Variants in ZNF207 observed in about 807,000 individuals in gnomAD.
ZNF207 encodes the protein zinc finger protein 207.
A neutral mutation model predicts 60.2 loss-of-function variants in ZNF207; 24 were observed. The ratio of observed to expected loss-of-function variants is 0.40; its 90% CI spans 0.29 to 0.56. ZNF207 has a LOEUF of 0.56. Ranked by LOEUF, ZNF207 falls within the 20% of genes least tolerant of loss-of-function variation. The pLI is 0.49. For synonymous variants in ZNF207, 236 were observed against 194.7 expected, an observed-to-expected ratio of 1.21 and a Z score of -1.77; for missense variants, 452 against 636.6, an observed-to-expected ratio of 0.71 and a Z score of 3.12.
intron 8 of ZNF207, chr17:32,365,705 C>A (rs1905129900): frequency 3.2e-5 from 7 of 220,122 alleles, no homozygotes; most frequent in East Asian, 1.1e-4. Flanking sequence ...TAGTATGTTA[C>A]TTTTTCATAG....
chr17:32,352,907 T>C (rs1048079850), intron 2 of ZNF207, among the ~76,000 whole-genome samples: 1 of 152,240 alleles, frequency 6.6e-6, no homozygotes, highest in Non-Finnish European at 1.5e-5. Context: ...CTGGGCGCGG[T>C]GGCTCACGCC....
Position 32,377,791 on chromosome 17 carries a change from A to G in ZNF207, c.*8032A>G, listed in dbSNP as rs1458220079. The G allele has an allele frequency of 3.3e-5, 5 of 152,482 alleles. No homozygotes were observed. The East Asian group carries it at 9.6e-4, about 29-fold the overall frequency. 9.4% of individuals were successfully genotyped at this position (152,482 alleles called of 1,614,324 possible). ...TAAGGTAACTTCTGTTTAAAAAAAA[A>G]AAAAACTAGGGAAAAGTTTTAAATG... is the stretch of plus-strand genomic sequence containing the variant. On this transcript the variant is annotated 3_prime_UTR_variant, in exon 12 of 12. Transcript: ENST00000394670.
In ZNF207 at chr17:32,380,150, A is replaced by T. The variant is rs1322094581; in HGVS notation, c.*10391A>T. On this transcript the variant is annotated 3_prime_UTR_variant, in exon 12 of 12. Coordinates refer to ENST00000394670, the MANE Select transcript of ZNF207 (RefSeq NM_001098507.2). The stretch of plus-strand genomic sequence containing the variant: ...AGATTTAAAGTGAAGTAAATTTCTA[A>T]GGAACTGTGTCCTTTCCTAGCAGGA... The T allele has an allele frequency of 1.3e-5, 2 of 152,676 alleles. No individual in the cohort carries two copies. Among genetic ancestry groups the T allele is most frequent in the Non-Finnish European group, 2.9e-5 (2 of 68,036 alleles). 9.5% of individuals were successfully genotyped at this position (152,676 alleles called of 1,614,324 possible).
In ZNF207 at chr17:32,378,982, C is replaced by T. The variant is rs1905781050; in HGVS notation, c.*9223C>T. Reference sequence around the variant, plus strand: ...CCTCTTGAGCTGGATGGTGATTAGCCATTGTGAAAACAGATTATATGGAAA... The same window carrying T: ...CCTCTTGAGCTGGATGGTGATTAGCTATTGTGAAAACAGATTATATGGAAA... On this transcript the variant is annotated 3_prime_UTR_variant, in exon 12 of 12. Transcript: ENST00000394670. 1 of 152,000 alleles carries T rather than the reference C, an allele frequency of 6.6e-6. No individual in the cohort carries two copies. Among genetic ancestry groups the T allele is most frequent in the African/African-American group, 2.4e-5 (1 of 41,412 alleles). The allele number at this position is 152,000 out of a possible 1,614,324, so 9.4% of individuals were successfully genotyped here.
rs892458981 is a variant in ZNF207, at chr17:32,378,278, T to C, written c.*8519T>C. The C allele has an allele frequency of 2.6e-5, 4 of 152,052 alleles. No individual in the cohort carries two copies. Among genetic ancestry groups the C allele is most frequent in the African/African-American group, 7.2e-5 (3 of 41,430 alleles). 9.4% of individuals were successfully genotyped at this position (152,052 alleles called of 1,614,324 possible). A position where few individuals can be genotyped will look rare whatever the true frequency, so the allele number is the denominator to read the frequency against. The stretch of plus-strand genomic sequence containing the variant: ...GCTATGCCCTTGTTGATAGATGATA[T>C]GGAGTCCAGGGCTTTGGGTCCAGGG... On this transcript the variant is annotated 3_prime_UTR_variant, in exon 12 of 12. Coordinates refer to ENST00000394670, the MANE Select transcript of ZNF207 (RefSeq NM_001098507.2).
intron 10 of ZNF207, 24 bp downstream of exon 10, chr17:32,368,038 G>T (rs577302472): frequency 7.4e-6 from 12 of 1,612,184 alleles, no homozygotes; most frequent in South Asian, 3.3e-5. Context: ...AGTTTTCTAC[G>T]AGCAGCATTT....
chr17:32,370,411 G>A lies in ZNF207; in HGVS notation c.*652G>A, dbSNP rs1254028450. On this transcript the variant is annotated 3_prime_UTR_variant, in exon 12 of 12. Coordinates refer to ENST00000394670, the MANE Select transcript of ZNF207 (RefSeq NM_001098507.2). ...AAGGTTTGTACAGATGCATGCCACA[G>A]TAGATGTCCACATAATAAAATTCAT... 6.6e-6 allele frequency: 1 copy of A among 152,652 alleles called. No individual in the cohort carries two copies. The highest frequency in any genetic ancestry group is 1.5e-5 in the Non-Finnish European group (1 of 68,040). 9.5% of individuals were successfully genotyped at this position (152,652 alleles called of 1,614,324 possible).
In ZNF207 at chr17:32,381,036, A is replaced by G. The variant is rs1337780928; in HGVS notation, c.*11277A>G. ...GATGTTCTATTAATAATAAAGTGAT[A>G]ATAAATGAAGGTTAAAGTCAAGTGT... On this transcript the variant is annotated 3_prime_UTR_variant, in exon 12 of 12. Transcript: ENST00000394670. 6.6e-6 allele frequency: 1 copy of G among 152,200 alleles called. No individual in the cohort carries two copies. Among genetic ancestry groups the G allele is most frequent in the Non-Finnish European group, 1.5e-5 (1 of 68,004 alleles). The allele number at this position is 152,200 out of a possible 1,614,324, so 9.4% of individuals were successfully genotyped here. A position where few individuals can be genotyped will look rare whatever the true frequency, so the allele number is the denominator to read the frequency against.
chr17:32,375,091 C>T lies in ZNF207; in HGVS notation c.*5332C>T, dbSNP rs1905632963. The T allele has an allele frequency of 6.6e-6, 1 of 152,098 alleles. No homozygotes were observed. The highest frequency in any genetic ancestry group is 2.4e-5 in the African/African-American group (1 of 41,400). 9.4% of individuals were successfully genotyped at this position (152,098 alleles called of 1,614,324 possible). ...CAGTAACAATGAACAAGCAGTATAGCATTTAGCAAACCTGGAATTGTTTGT... is the reference window on the plus strand; with the variant it reads ...CAGTAACAATGAACAAGCAGTATAGTATTTAGCAAACCTGGAATTGTTTGT... On this transcript the variant is annotated 3_prime_UTR_variant, in exon 12 of 12. Transcript: ENST00000394670.
At chr17:32,367,176 G>T (rs1424064287) in intron 9 of ZNF207, among the ~76,000 whole-genome samples, 4 of 143,656 alleles carry the variant, frequency 2.8e-5, no homozygotes, top group Non-Finnish European at 4.5e-5. Context: ...TACTTTAAAA[G>T]ATCCTGCTAA....
In ZNF207 at chr17:32,369,822, A is replaced by G. The variant is rs1462840144; in HGVS notation, c.*63A>G. ...CCTTTTCTCAACTTGTGCTGTTTAT[A>G]TAGCCAAGCTTCCGTCAATAAGGCT... On this transcript the variant is annotated 3_prime_UTR_variant, in exon 12 of 12. Transcript: ENST00000394670. 5 of 1,364,034 alleles carry G rather than the reference A, an allele frequency of 3.7e-6. No individual in the cohort carries two copies. Among genetic ancestry groups the G allele is most frequent in the East Asian group, 5.2e-5 (2 of 38,272 alleles). The allele number at this position is 1,364,034 out of a possible 1,614,324, so 84.5% of individuals were successfully genotyped here. A position where few individuals can be genotyped will look rare whatever the true frequency, so the allele number is the denominator to read the frequency against.
intron 9 of ZNF207, 54 bp downstream of exon 9, chr17:32,366,811 T>G (rs1343295159): frequency 1.4e-6 from 2 of 1,445,962 alleles, no homozygotes; most frequent in East Asian, 2.5e-5. Flanking sequence ...AACTTAACCC[T>G]TTGGACCCTA....
Position 32,357,097 on chromosome 17 carries a change from G to A in ZNF207, c.169-1406G>A, listed in dbSNP as rs556176518. Among the ~76,000 whole-genome samples the A allele has an allele frequency of 7.9e-5, 12 of 151,924 alleles. No homozygotes were observed. In the South Asian group the frequency reaches 2.5e-3, roughly 32 times the overall value. On this transcript the variant is annotated intron_variant, in intron 2 of 11. Coordinates refer to ENST00000394670, the MANE Select transcript of ZNF207 (RefSeq NM_001098507.2). ...CTTGGGAGGCTGAGGTGGGAGGGTG[G>A]CTTGAGCTTGGGAGGCGGAGGTTGC...
chr17:32,369,841 T>G lies in ZNF207; in HGVS notation c.*82T>G. ...GTTTATATAGCCAAGCTTCCGTCAA[T>G]AAGGCTTCATTGTGACTTTAACAAA... On this transcript the variant is annotated 3_prime_UTR_variant, in exon 12 of 12. Transcript: ENST00000394670. 7.6e-7 allele frequency: 1 copy of G among 1,324,142 alleles called. No individual in the cohort carries two copies. The highest frequency in any genetic ancestry group is 9.8e-7 in the Non-Finnish European group (1 of 1,019,614). The allele number at this position is 1,324,142 out of a possible 1,614,324, so 82.0% of individuals were successfully genotyped here.
rs540878914 is a variant in ZNF207 at position 32,350,645 on chromosome 17, T to C, written c.41+319T>C. ...TAGGGACTATTCAGCCACCTTCCGT[T>C]GTTTTGGTGACGATTCAACAAGGGA... is the stretch of plus-strand genomic sequence containing the variant. On this transcript the variant is annotated intron_variant, in intron 1 of 11. Transcript: ENST00000394670. 4.1e-4 allele frequency among the ~76,000 whole-genome samples: 62 copies of C among 152,268 alleles called. 1 individual carries two copies. The highest frequency in any genetic ancestry group is 1.4e-3 in the African/African-American group (60 of 41,570).
intron 2 of ZNF207, 98 bp from the exon 3 acceptor site, chr17:32,358,405 T>G: frequency 8.2e-7 from 1 of 1,215,466 alleles, no homozygotes; most frequent in Non-Finnish European, 1.1e-6. Flanking sequence ...CTACATGGCC[T>G]CACTATAGAA....
chr17:32,365,662 C>T (rs1184429862), intron 8 of ZNF207, 175 bp downstream of exon 8: 2 of 449,608 alleles, frequency 4.4e-6, no homozygotes, highest in Non-Finnish European at 6.6e-6. Context: ...CACTGATTTC[C>T]TCTACCCATA....
At chr17:32,358,354 A>T in intron 2 of ZNF207, 149 bp from the exon 3 acceptor site, 1 of 560,308 alleles carries the variant, frequency 1.8e-6, no homozygotes, top group South Asian at 4.0e-5. Context: ...TGACATGCTT[A>T]ATGTCACAGA....
At position 32,379,716 on chromosome 17, in the gene ZNF207, T is replaced by C. The variant is rs1383673701; in HGVS notation, c.*9957T>C. On this transcript the variant is annotated 3_prime_UTR_variant, in exon 12 of 12. Transcript: ENST00000394670. ...GCTTACAGGGTTTCTTTGAGAGGCTTAAAAATTTCAAAAGTATTATTTAAG... is the reference window on the plus strand; with the variant it reads ...GCTTACAGGGTTTCTTTGAGAGGCTCAAAAATTTCAAAAGTATTATTTAAG... 1 of 152,146 alleles carries C rather than the reference T, an allele frequency of 6.6e-6. No homozygotes were observed. The highest frequency in any genetic ancestry group is 1.5e-5 in the Non-Finnish European group (1 of 67,998). 9.4% of individuals were successfully genotyped at this position (152,146 alleles called of 1,614,324 possible). A position where few individuals can be genotyped will look rare whatever the true frequency, so the allele number is the denominator to read the frequency against.
Sources: gnomAD v4.1 joint callset for allele counts (sites outside exome capture counted in the v4.1 genomes callset) on GRCh38, gnomAD v4.1.1 for gene constraint, MANE v1.5 for transcripts, NCBI Gene and HGNC (gene_info 2026-07-23, HGNC 2026-07-21) for gene names.